VDAC2: variants seen among roughly 807,000 people sequenced by gnomAD.
The protein encoded by VDAC2 is voltage dependent anion channel 2, also known as non-selective voltage-gated ion channel VDAC2.
In VDAC2, 6 loss-of-function variants were observed where a neutral mutation model predicts 36.6. That is an observed-to-expected ratio of 0.16 (90% CI 0.09 to 0.32). The LOEUF (loss-of-function observed/expected upper bound fraction) is 0.32. Among genes scored for constraint, VDAC2 ranks in the 10% least tolerant of loss-of-function variants. VDAC2 has a pLI of 1.00. For missense variants in VDAC2, 247 were observed against 346.0 expected (o/e 0.71, Z 2.27); for synonymous variants, 109 against 123.8 (o/e 0.88, Z 0.79).
intron 4 of VDAC2, among the ~76,000 whole-genome samples, chr10:75,216,088 G>A (rs1174355027): frequency 6.6e-6 from 1 of 152,198 alleles, no homozygotes; most frequent in Non-Finnish European, 1.5e-5. Flanking sequence ...GGTCTGAAAG[G>A]AAGCTTAGGT....
At position 75,216,835 on chromosome 10, in the gene VDAC2, A is replaced by G. The variant is rs564258674; in HGVS notation, c.151-2228A>G. On this transcript the variant is annotated intron_variant, in intron 4 of 9. Coordinates refer to ENST00000332211, the MANE Select transcript of VDAC2 (RefSeq NM_001391963.1). ...ACTGCTAGAAAAACCTGTTCCATATATATTGTTTTAGTAATGCTTTCCTTT... is the reference window on the plus strand; with the variant it reads ...ACTGCTAGAAAAACCTGTTCCATATGTATTGTTTTAGTAATGCTTTCCTTT... Among the ~76,000 whole-genome samples the G allele has an allele frequency of 2.0e-5, 3 of 152,320 alleles. No individual in the cohort carries two copies. In the South Asian group the frequency reaches 6.2e-4, roughly 32 times the overall value.
In VDAC2 at chr10:75,212,205, C is replaced by T. The variant is rs558179561; in HGVS notation, c.32-25C>T. 15 of 1,605,840 alleles carry T rather than the reference C, an allele frequency of 9.3e-6. No homozygotes were observed. The South Asian group carries it at 1.7e-4, about 18-fold the overall frequency. ...GAAGGTGGGAGAATAGAGACATTAA[C>T]ACTGGAATGTTTTTTTTCTACCAGC... On this transcript the variant is annotated intron_variant, in intron 2 of 9. Coordinates refer to ENST00000332211, the MANE Select transcript of VDAC2 (RefSeq NM_001391963.1).
intron 2 of VDAC2, chr10:75,211,410 C>CTTTTCA: frequency 6.9e-7 from 1 of 1,452,098 alleles, no homozygotes; most frequent in Non-Finnish European, 9.1e-7. Flanking sequence ...GCCGCATGGA[C>CTTTTCA]TTTTCAGCCT....
At chr10:75,223,175 G>T (rs1357508239) in intron 8 of VDAC2, among the ~76,000 whole-genome samples, 2 of 151,624 alleles carry the variant, frequency 1.3e-5, no homozygotes, top group African/African-American at 4.9e-5. Context: ...GTAAAGATGG[G>T]ATTTGTTGGC....
intron 8 of VDAC2, among the ~76,000 whole-genome samples, chr10:75,228,999 G>A (rs944528347): frequency 6.6e-6 from 1 of 152,136 alleles, no homozygotes; most frequent in Non-Finnish European, 1.5e-5. Context: ...AGGAAGGCAG[G>A]GGCCTGGATT....
chr10:75,219,977 G>T (rs1749399306), intron 6 of VDAC2, among the ~76,000 whole-genome samples: 1 of 150,878 alleles, frequency 6.6e-6, no homozygotes, highest in Non-Finnish European at 1.5e-5. Flanking sequence ...ACAGGCATGT[G>T]CCACCACGCC....
chr10:75,223,671 CTT>C (rs1841882369), intron 8 of VDAC2, among the ~76,000 whole-genome samples: 1 of 152,280 alleles, frequency 6.6e-6, no homozygotes, highest in Admixed American at 6.5e-5. Context: ...TATTAAGTAT[CTT>C]TTTGTATGCT....
chr10:75,216,598 G>A (rs1359929369), intron 4 of VDAC2, among the ~76,000 whole-genome samples: 3 of 152,172 alleles, frequency 2.0e-5, no homozygotes, highest in African/African-American at 7.2e-5. Context: ...GAATGTAGAA[G>A]CCAAAATTTC....
chr10:75,229,771 C>T (rs1460142896), intron 9 of VDAC2, 70 bp downstream of exon 9: 2 of 1,227,116 alleles, frequency 1.6e-6, no homozygotes, highest in Non-Finnish European at 2.3e-6. Context: ...CTTCAGCTTA[C>T]TTTTCAGACC....
rs113228737 is a variant in VDAC2 at position 75,222,118 on chromosome 10, C to A, written c.585-134C>A. 1.5e-5 allele frequency: 14 copies of A among 956,482 alleles called. No individual in the cohort carries two copies. The African/African-American group carries it at 1.7e-4, about 11-fold the overall frequency. 59.2% of individuals were successfully genotyped at this position (956,482 alleles called of 1,614,324 possible). ...GGGGAAAAAAACCTGTTAAAACTTG[C>A]AAGTTTTCAGTGGAACACTAAAGAC... On this transcript the variant is annotated intron_variant, in intron 7 of 9. Coordinates refer to ENST00000332211, the MANE Select transcript of VDAC2 (RefSeq NM_001391963.1).
At chr10:75,210,960 G>T (rs975533102) in intron 1 of VDAC2, 22 bp downstream of exon 1, 8 of 484,036 alleles carry the variant, frequency 1.7e-5, no homozygotes, top group Non-Finnish European at 2.8e-5. Flanking sequence ...CCCGCCTCAC[G>T]CCGACCCAGG....
chr10:75,221,036 C>A, intron 7 of VDAC2, 66 bp downstream of exon 7: 1 of 1,468,056 alleles, frequency 6.8e-7, no homozygotes, highest in Non-Finnish European at 9.3e-7. Context: ...TGTCTGTCAT[C>A]TTATTGATCT....
At chr10:75,212,382 C>A in intron 3 of VDAC2, 84 bp downstream of exon 3, 1 of 1,192,052 alleles carries the variant, frequency 8.4e-7, no homozygotes, top group Non-Finnish European at 1.2e-6. Flanking sequence ...TCAATCATTG[C>A]AAATTGTAAA....
intron 3 of VDAC2, among the ~76,000 whole-genome samples, chr10:75,212,650 A>G (rs976364749): frequency 1.3e-5 from 2 of 152,138 alleles, no homozygotes; most frequent in African/African-American, 2.4e-5. Context: ...TGGCCTCTCA[A>G]AGCCTGGTTG....
chr10:75,211,212 C>T (rs1260882937), intron 2 of VDAC2, 23 bp downstream of exon 2: 1 of 1,610,976 alleles, frequency 6.2e-7, no homozygotes, highest in Non-Finnish European at 8.5e-7. Flanking sequence ...GGGATCTCTG[C>T]GGGATGGGGC....
chr10:75,220,061 C>T (rs964743155), intron 6 of VDAC2, among the ~76,000 whole-genome samples: 1 of 151,008 alleles, frequency 6.6e-6, no homozygotes, highest in Non-Finnish European at 1.5e-5. Flanking sequence ...CTCCTGACCT[C>T]GTGATCTGCC....
intron 4 of VDAC2, among the ~76,000 whole-genome samples, chr10:75,217,393 A>C (rs1013238353): frequency 6.6e-6 from 1 of 152,120 alleles, no homozygotes; most frequent in East Asian, 1.9e-4. Context: ...GTTTAATTGG[A>C]AATGGAGTCT....
chr10:75,230,205 C>T (rs1416244283), intron 9 of VDAC2, among the ~76,000 whole-genome samples: 1 of 152,094 alleles, frequency 6.6e-6, no homozygotes, highest in Non-Finnish European at 1.5e-5. Flanking sequence ...GGAGACTTCC[C>T]CCTTCAGATA....
chr10:75,219,400 C>T (rs777076742), intron 6 of VDAC2, 44 bp downstream of exon 6: 6 of 1,476,970 alleles, frequency 4.1e-6, no homozygotes, highest in Admixed American at 1.9e-5. Flanking sequence ...AAAAGTATTT[C>T]TCTTTTGTAT....
Sources: gnomAD v4.1 joint callset for allele counts (sites outside exome capture counted in the v4.1 genomes callset) on GRCh38, gnomAD v4.1.1 for gene constraint, MANE v1.5 for transcripts, NCBI Gene and HGNC (gene_info 2026-07-23, HGNC 2026-07-21) for gene names.